SPTLC1: variants seen among roughly 807,000 people sequenced by gnomAD.
SPTLC1 encodes the protein serine palmitoyltransferase 1.
SPTLC1 carries 55 observed loss-of-function variants against 68.9 expected under a neutral mutation model. The observed-to-expected ratio is 0.80, with a 90% CI of 0.64 to 1.00. The LOEUF (loss-of-function observed/expected upper bound fraction) is 1.00, where lower values mean the gene tolerates loss of function less well. Among genes scored for constraint, SPTLC1 ranks in the 50% least tolerant of loss-of-function variants. The pLI is 0.00. For missense variants in SPTLC1, 449 were observed against 573.1 expected, an observed-to-expected ratio of 0.78 and a Z score of 2.21; for synonymous variants, 197 against 201.6, an observed-to-expected ratio of 0.98 and a Z score of 0.19.
intron 6 of SPTLC1, among the ~76,000 whole-genome samples, chr9:92,059,959 G>C (rs1834028941): frequency 1.3e-5 from 2 of 152,268 alleles, no homozygotes; most frequent in Non-Finnish European, 2.9e-5. Context: ...CCCCACTGTG[G>C]TGTCAGCAAA....
intron 3 of SPTLC1, among the ~76,000 whole-genome samples, chr9:92,092,564 A>G (rs960855772): frequency 6.6e-6 from 1 of 152,078 alleles, no homozygotes; most frequent in Non-Finnish European, 1.5e-5. Flanking sequence ...CCCTGTCTCT[A>G]TTAAAAAATA....
chr9:92,075,750 C>T lies in SPTLC1; in HGVS notation c.427+4266G>A, dbSNP rs182767802. Among the ~76,000 whole-genome samples the T allele has an allele frequency of 2.0e-4, 30 of 152,308 alleles. No individual in the cohort carries two copies. In the East Asian group the frequency reaches 5.2e-3, roughly 26 times the overall value. ...CCTCTTCACATATAAAACATACTCT[C>T]GGCTCCCCACCTCCTCCAGCTCTAT... is the stretch of plus-strand genomic sequence containing the variant. On this transcript the variant is annotated intron_variant, in intron 5 of 14. Transcript: ENST00000262554.
intron 5 of SPTLC1, among the ~76,000 whole-genome samples, chr9:92,069,966 C>A (rs1834423150): frequency 6.6e-6 from 1 of 152,188 alleles, no homozygotes; most frequent in Non-Finnish European, 1.5e-5. Flanking sequence ...GAATGTAAAA[C>A]TGAGTATAAC....
At chr9:92,105,412 GA>G in intron 3 of SPTLC1, 4 of 1,479,712 alleles carry the variant, frequency 2.7e-6, no homozygotes, top group South Asian at 1.2e-5. Context: ...GGAGGAGAAA[GA>G]AGAGACAGCA....
At position 92,047,221 on chromosome 9, in the gene SPTLC1, C is replaced by G. The variant is rs1277187044; in HGVS notation, c.1032G>C (p.Leu344=). Residue 344 remains leucine, a synonymous_variant, in exon 11 of 15, where the codon CTG becomes CTC. Coordinates refer to ENST00000262554, the MANE Select transcript of SPTLC1 (RefSeq NM_006415.4). ...GYCFSASLPP[L]LAAAAIEALN... is the part of the protein sequence containing the mutation. ...GGGCCTCAATTGCTGCAGCAGCTAA[C>G]AGGGGAGGTAACGAAGCTGAAAAGC... 6.2e-7 allele frequency: 1 copy of G among 1,613,986 alleles called. No individual in the cohort carries two copies. The highest frequency in any genetic ancestry group is 1.7e-5 in the Admixed American group (1 of 60,002).
At chr9:92,057,747 T>A (rs190137437) in intron 7 of SPTLC1, among the ~76,000 whole-genome samples, 1 of 152,286 alleles carries the variant, frequency 6.6e-6, no homozygotes, top group East Asian at 1.9e-4. Flanking sequence ...ATTATTTATG[T>A]GAAAATGAAA....
In SPTLC1 at chr9:92,031,971, A is replaced by G. The variant is rs531407417; in HGVS notation, c.*494T>C. On this transcript the variant is annotated 3_prime_UTR_variant, in exon 15 of 15. Coordinates refer to ENST00000262554, the MANE Select transcript of SPTLC1 (RefSeq NM_006415.4). ...TTTAGCTTCACACAACGAAGACTGG[A>G]AAATACGTGGTTTATTTAGATCTTC... 2 of 278,152 alleles carry G rather than the reference A, an allele frequency of 7.2e-6. No individual in the cohort carries two copies. The highest frequency in any genetic ancestry group is 1.1e-4 in the South Asian group (1 of 9,400). The allele number at this position is 278,152 out of a possible 1,614,324, so 17.2% of individuals were successfully genotyped here.
At chr9:92,078,968 G>A (rs1211387046) in intron 5 of SPTLC1, 2 of 827,350 alleles carry the variant, frequency 2.4e-6, no homozygotes, top group Non-Finnish European at 2.9e-6. Context: ...TCCAGAAATG[G>A]AAACAAGGAT....
At chr9:92,041,648 T>C (rs533986325) in intron 12 of SPTLC1, among the ~76,000 whole-genome samples, 63 of 152,288 alleles carry the variant, frequency 4.1e-4, no homozygotes, top group African/African-American at 1.4e-3. Flanking sequence ...ACCCTAACAC[T>C]GACTCCTATG....
At position 92,084,725 on chromosome 9, in the gene SPTLC1, A is replaced by G. The variant is rs1238970898; in HGVS notation, c.261-3762T>C. Among the ~76,000 whole-genome samples, 20 of 151,710 alleles carry G rather than the reference A, an allele frequency of 1.3e-4. No individual in the cohort carries two copies. In the South Asian group the frequency reaches 1.5e-3, roughly 11 times the overall value. ...CTCTTTTTTGGTTGTGTCTCTGCCC[A>G]GCTTTGGTATCAGGATGATGCTGGC... On this transcript the variant is annotated intron_variant, in intron 3 of 14. Coordinates refer to ENST00000262554, the MANE Select transcript of SPTLC1 (RefSeq NM_006415.4).
At chr9:92,082,915 T>A (rs1217964234) in intron 3 of SPTLC1, among the ~76,000 whole-genome samples, 1 of 152,154 alleles carries the variant, frequency 6.6e-6, no homozygotes, top group Non-Finnish European at 1.5e-5. Context: ...TTTCCTGACT[T>A]TTGAATGACT....
At chr9:92,087,717 A>G (rs1835201560) in intron 3 of SPTLC1, among the ~76,000 whole-genome samples, 1 of 152,210 alleles carries the variant, frequency 6.6e-6, no homozygotes, top group Admixed American at 6.5e-5. Context: ...TTGAGGAGGC[A>G]GTCTGCCCGT....
In SPTLC1 at chr9:92,059,037, A is replaced by AAGT. The variant is rs10650696; in HGVS notation, c.690+139_690+141dup. 3,118 of 993,346 alleles carry AAGT rather than the reference A, an allele frequency of 3.1e-3. 62 individuals carry two copies. In the African/African-American group the frequency reaches 0.046, roughly 15 times the overall value. 61.5% of individuals were successfully genotyped at this position (993,346 alleles called of 1,614,324 possible). On this transcript the variant is annotated intron_variant, in intron 7 of 14. Coordinates refer to ENST00000262554, the MANE Select transcript of SPTLC1 (RefSeq NM_006415.4). ...CAATCAGACTTGGCTCTCCAACACC[A>AAGT]AGTACATTTAATAAGCAGGAACACC...
At chr9:92,034,046 G>T (rs1190332048) in intron 14 of SPTLC1, among the ~76,000 whole-genome samples, 2 of 152,164 alleles carry the variant, frequency 1.3e-5, no homozygotes. Context: ...GAACCTGGAG[G>T]TCTCCAAGCC....
intron 9 of SPTLC1, among the ~76,000 whole-genome samples, chr9:92,048,642 G>A (rs1165006329): frequency 1.3e-5 from 2 of 151,844 alleles, no homozygotes; most frequent in Non-Finnish European, 1.5e-5. Flanking sequence ...GACTTCATGG[G>A]GTTTCATCTA....
chr9:92,094,366 G>A (rs1564112293), intron 3 of SPTLC1, among the ~76,000 whole-genome samples: 1 of 152,154 alleles, frequency 6.6e-6, no homozygotes, highest in Non-Finnish European at 1.5e-5. Flanking sequence ...TTTAGTTTAT[G>A]CTTAATGCAA....
chr9:92,067,553 C>T lies in SPTLC1; in HGVS notation c.560+413G>A, dbSNP rs186847346. On this transcript the variant is annotated intron_variant, in intron 6 of 14. Coordinates refer to ENST00000262554, the MANE Select transcript of SPTLC1 (RefSeq NM_006415.4). ...GGTAGTCAAAGAAGTGTCCAAGTCA[C>T]GGCTCCTCTATCCTTAATAAGGTAG... 3.9e-3 allele frequency among the ~76,000 whole-genome samples: 591 copies of T among 152,248 alleles called. 4 individuals are homozygous for T. The highest frequency in any genetic ancestry group is 2.7e-3 in the South Asian group (13 of 4,824).
intron 3 of SPTLC1, among the ~76,000 whole-genome samples, chr9:92,092,030 G>T (rs977876023): frequency 3.9e-5 from 6 of 152,152 alleles, no homozygotes; most frequent in African/African-American, 1.4e-4. Flanking sequence ...GACAGAGAAT[G>T]AATCCATACG....
At chr9:92,055,220 A>G (rs947631262) in intron 8 of SPTLC1, 185 bp downstream of exon 8, 5 of 985,374 alleles carry the variant, frequency 5.1e-6, no homozygotes, top group Middle Eastern at 5.2e-4. Flanking sequence ...AGCAGTCTTG[A>G]TTACTCTTTG....
Sources: gnomAD v4.1 joint callset for allele counts (sites outside exome capture counted in the v4.1 genomes callset) on GRCh38, gnomAD v4.1.1 for gene constraint, MANE v1.5 for transcripts, NCBI Gene and HGNC (gene_info 2026-07-23, HGNC 2026-07-21) for gene names.